The following SLC17A9 variants were observed in gnomAD, a reference collection of about 807,000 sequenced individuals.
The protein encoded by SLC17A9 is voltage-gated purine nucleotide uniporter SLC17A9.
In SLC17A9, 49 loss-of-function variants were observed where a neutral mutation model predicts 55.0. The observed-to-expected ratio is 0.89, with a 90% confidence interval of 0.71 to 1.13. The LOEUF is 1.13. Among genes scored for constraint, SLC17A9 ranks in the 50% most tolerant of loss-of-function variants. The probability of loss-of-function intolerance (pLI) is 0.00; values close to 1 mark genes in which losing one functional copy is unlikely to be tolerated. For missense variants in SLC17A9, 526 were observed against 569.3 expected (o/e 0.92, Z 0.77); for synonymous variants, 256 against 247.4 (o/e 1.03, Z -0.32).
At chr20:62,954,967 C>T (rs775472690) in intron 1 of SLC17A9, among the ~76,000 whole-genome samples, 7 of 152,254 alleles carry the variant, frequency 4.6e-5, no homozygotes, top group Non-Finnish European at 1.0e-4. Context: ...CACCTCCCCC[C>T]CTTTCTTTTT....
chr20:62,953,353 C>A, intron 1 of SLC17A9: 1 of 1,470,462 alleles, frequency 6.8e-7, no homozygotes, highest in Non-Finnish European at 9.3e-7. Flanking sequence ...GTGCTGAGGA[C>A]GAGCTCCCCG....
At chr20:62,960,475 C>A in intron 3 of SLC17A9, 29 bp from the exon 4 acceptor site, 1 of 1,599,516 alleles carries the variant, frequency 6.3e-7, no homozygotes, top group Non-Finnish European at 8.5e-7. Flanking sequence ...TGGATGGACC[C>A]TGAGAGACCC....
Position 62,962,680 on chromosome 20 carries a change from G to C in SLC17A9, c.554G>C (p.Ser185Thr), listed in dbSNP as rs57995756. ...SLLLEWYGWQ[S>T]IFYFSGGLTL... ...CTCCTGGAATGGTACGGCTGGCAGA[G>C]CATCTTCTATTTCTCCGGCGGCCTC... The change falls in exon 5 of 13, where the codon AGC becomes ACC. Residue 185 changes from serine to threonine, a missense_variant. Physicochemically the swap from Ser to Thr is moderately conservative, Grantham distance 58. Coordinates refer to ENST00000370351, the MANE Select transcript of SLC17A9 (RefSeq NM_022082.4). This position sits in a 1 kb window ranked among gnomAD's most constrained non-coding sequence, Gnocchi z 5.5. The C allele has an allele frequency of 2.2e-3, 3,629 of 1,614,078 alleles. 80 individuals are homozygous for C. The African/African-American group carries it at 0.043, about 19-fold the overall frequency.
chr20:62,959,858 G>T (rs559443242), intron 3 of SLC17A9, among the ~76,000 whole-genome samples: 2 of 152,346 alleles, frequency 1.3e-5, no homozygotes, highest in South Asian at 4.1e-4. Flanking sequence ...GCCTCCCCTC[G>T]CAGAGTCCCT....
rs754031144 is a variant in SLC17A9, at chr20:62,957,549, C to T, written c.366C>T (p.Thr122=). The change falls in exon 3 of 13, where the codon ACC becomes ACT. Residue 122 remains threonine, a synonymous_variant. Coordinates refer to ENST00000370351, the MANE Select transcript of SLC17A9 (RefSeq NM_022082.4). ...HLSSAHLAFM[T]FSRILMGLLQ... ...GCAGTGCCCACCTGGCCTTCATGAC[C>T]TTCTCACGCATCCTCATGGGCTTGC... 21 of 1,594,580 alleles carry T rather than the reference C, an allele frequency of 1.3e-5. No individual in the cohort carries two copies. The East Asian group carries it at 3.7e-4, about 28-fold the overall frequency.
rs1568919139 is a variant in SLC17A9 at position 62,967,469 on chromosome 20, TG to T, written c.1282del (p.Asp428ThrfsTer2). ...TFLVFGQAQR[V>X]DLSSTHEDL is the part of the protein sequence containing the mutation. ...CTGGTGTTTGGACAGGCTCAGAGGG[TG>T]GACCTGAGCTCTACCCATGAGGACC... On this transcript the variant is annotated frameshift_variant, in exon 13 of 13. Transcript: ENST00000370351. LOFTEE classifies it high-confidence loss of function. The T allele has an allele frequency of 6.2e-7, 1 of 1,614,010 alleles. No homozygotes were observed.
At chr20:62,959,611 C>G (rs1448327788) in intron 3 of SLC17A9, among the ~76,000 whole-genome samples, 1 of 152,232 alleles carries the variant, frequency 6.6e-6, no homozygotes, top group Non-Finnish European at 1.5e-5. Flanking sequence ...GCCCCAGGAG[C>G]TCCGCCAGGC....
Position 62,967,658 on chromosome 20 carries a change from A to T in SLC17A9, c.*158A>T. The T allele has an allele frequency of 5.6e-6, 1 of 178,338 alleles. No individual in the cohort carries two copies. The highest frequency in any genetic ancestry group is 1.1e-5 in the Non-Finnish European group (1 of 90,898). The allele number at this position is 178,338 out of a possible 1,614,324, so 11.0% of individuals were successfully genotyped here. ...AAGCTCCTTAAGAAGAGTCCACAAC[A>T]GCTGGTGGGAGGGTGGGGTGGGCCT... On this transcript the variant is annotated 3_prime_UTR_variant, in exon 13 of 13. Transcript: ENST00000370351.
intron 3 of SLC17A9, among the ~76,000 whole-genome samples, chr20:62,957,912 T>C (rs1048702515): frequency 6.6e-6 from 1 of 151,944 alleles, no homozygotes; most frequent in African/African-American, 2.4e-5. Context: ...CCTGTGTGTG[T>C]GTGCGTGTGC....
rs372191190 is a variant in SLC17A9, at chr20:62,965,182, C to T, written c.945+16C>T. The T allele has an allele frequency of 9.9e-6, 16 of 1,613,990 alleles. No individual in the cohort carries two copies. The highest frequency in any genetic ancestry group is 7.7e-5 in the South Asian group (7 of 91,088). ...GCTCATGCAGGTAGGAGAATCATTC[C>T]GGTCGTTCTCTCTGGATATCCCTGC... On this transcript the variant is annotated intron_variant, in intron 9 of 12. Coordinates refer to ENST00000370351, the MANE Select transcript of SLC17A9 (RefSeq NM_022082.4).
Position 62,958,751 on chromosome 20 carries a change from C to G in SLC17A9, c.397+1171C>G, listed in dbSNP as rs1285774632. 6.6e-6 allele frequency among the ~76,000 whole-genome samples: 1 copy of G among 152,234 alleles called. No individual in the cohort carries two copies. The highest frequency in any genetic ancestry group is 1.5e-5 in the Non-Finnish European group (1 of 68,042). Reference sequence around the variant, plus strand: ...TCGTTCTCCTCCCTCTCCACACCCTCACTCCCCAAGGTTATGGCCTGGAAG... The same window carrying G: ...TCGTTCTCCTCCCTCTCCACACCCTGACTCCCCAAGGTTATGGCCTGGAAG... On this transcript the variant is annotated intron_variant, in intron 3 of 12. Coordinates refer to ENST00000370351, the MANE Select transcript of SLC17A9 (RefSeq NM_022082.4). The surrounding 1 kb of genome is among the most constrained non-coding windows in gnomAD (Gnocchi z 4.1).
intron 1 of SLC17A9, among the ~76,000 whole-genome samples, chr20:62,954,925 G>A (rs1258646336): frequency 6.6e-6 from 1 of 152,216 alleles, no homozygotes; most frequent in Non-Finnish European, 1.5e-5. Flanking sequence ...GCCAGGCAGT[G>A]CGGGGCAGGT....
In SLC17A9 at chr20:62,960,581, G is replaced by A. The variant is rs1482654102; in HGVS notation, c.475G>A (p.Val159Met). ...ESERAFTYSI[V>M]GAGSQFGTLL... ...TGAGCGAGCCTTCACCTACAGCATC[G>A]TGGGCGCCGGCTCCCAGTTTGGGTA... Residue 159 changes from valine (V) to methionine (M), a missense_variant, in exon 4 of 13, where the codon GTG becomes ATG. Transcript: ENST00000370351. The A allele has an allele frequency of 1.9e-6, 3 of 1,612,896 alleles. No homozygotes were observed. The highest frequency in any genetic ancestry group is 2.2e-5 in the East Asian group (1 of 44,890).
In SLC17A9 at chr20:62,956,906, C is replaced by T; in HGVS notation, c.201C>T (p.Ser67=). The change falls in exon 2 of 13, where the codon AGC becomes AGT. Residue 67 remains serine, a synonymous_variant. Coordinates refer to ENST00000370351, the MANE Select transcript of SLC17A9 (RefSeq NM_022082.4). ...AGAAGGAGGCCGGCATCGTGCTCAG[C>T]AGCTTCTTCTGGGGCTACTGCCTGA... The part of the protein sequence containing the change: ...WNKKEAGIVL[S]SFFWGYCLTQ... 2 of 1,613,672 alleles carry T rather than the reference C, an allele frequency of 1.2e-6. No individual in the cohort carries two copies. Among genetic ancestry groups the T allele is most frequent in the South Asian group, 1.1e-5 (1 of 91,084 alleles).
At position 62,962,566 on chromosome 20, in the gene SLC17A9, C is replaced by G. The variant is rs1458561473; in HGVS notation, c.498-58C>G. On this transcript the variant is annotated intron_variant, in intron 4 of 12. Coordinates refer to ENST00000370351, the MANE Select transcript of SLC17A9 (RefSeq NM_022082.4). The surrounding 1 kb of genome is among the most constrained non-coding windows in gnomAD (Gnocchi z 5.5). ...ACCAGGGTGGGGTTTCTGAGAGGCC[C>G]CTCCTCACCCGAGGGGTGCCGCTGA... is the stretch of plus-strand genomic sequence containing the variant. 3 of 1,585,958 alleles carry G rather than the reference C, an allele frequency of 1.9e-6. No individual in the cohort carries two copies. The highest frequency in any genetic ancestry group is 3.6e-5 in the Admixed American group (2 of 55,426).
chr20:62,965,766 C>T (rs764084402), intron 10 of SLC17A9, 41 bp downstream of exon 10: 12 of 1,591,082 alleles, frequency 7.5e-6, no homozygotes, highest in Admixed American at 1.7e-5. Flanking sequence ...GCCGTGCTGC[C>T]CGCACGGCCG....
At position 62,962,902 on chromosome 20, in the gene SLC17A9, G is replaced by A. The variant is rs1454575755; in HGVS notation, c.628+148G>A. 11 of 1,194,278 alleles carry A rather than the reference G, an allele frequency of 9.2e-6. No homozygotes were observed. Among genetic ancestry groups the A allele is most frequent in the East Asian group, 4.8e-5 (2 of 41,282 alleles). The allele number at this position is 1,194,278 out of a possible 1,614,324, so 74.0% of individuals were successfully genotyped here. On this transcript the variant is annotated intron_variant, in intron 5 of 12. Coordinates refer to ENST00000370351, the MANE Select transcript of SLC17A9 (RefSeq NM_022082.4). This position sits in a 1 kb window ranked among gnomAD's most constrained non-coding sequence, Gnocchi z 5.5. The stretch of plus-strand genomic sequence containing the variant: ...AATCCGCCAGTGAGGAAAAGCGCTC[G>A]GGTGCTGAGCTGTCAGCGGCTCCGC...
intron 1 of SLC17A9, among the ~76,000 whole-genome samples, chr20:62,954,455 A>G (rs735055): frequency 0.75 from 113,979 of 152,284 alleles, 44,385 homozygotes; most frequent in East Asian, 0.94. Context: ...GCTTCTGCAC[A>G]GGGGCCGTTT....
chr20:62,966,889 T>A, intron 12 of SLC17A9, 157 bp downstream of exon 12: 1 of 924,264 alleles, frequency 1.1e-6, no homozygotes, highest in South Asian at 1.8e-5. Flanking sequence ...AGGATGGGGC[T>A]GCCTTCCAGG....
Sources: allele counts gnomAD v4.1 joint callset (sites outside exome capture counted in the v4.1 genomes callset), GRCh38; gene constraint gnomAD v4.1.1; non-coding constraint Gnocchi (gnomAD v3.1); transcripts MANE v1.5; gene names NCBI Gene and HGNC (gene_info 2026-07-23, HGNC 2026-07-21).